Variants in SCTR observed in about 807,000 individuals in gnomAD.
SCTR encodes the protein pancreatic secretin receptor.
SCTR carries 56 observed loss-of-function variants against 60.8 expected under a neutral mutation model. That is an observed-to-expected ratio of 0.92 (90% CI 0.74 to 1.15). The LOEUF is 1.15. Among genes scored for constraint, SCTR ranks in the 50% most tolerant of loss-of-function variants. The pLI is 0.00. For missense variants in SCTR, 562 were observed against 550.4 expected (o/e 1.02, Z -0.21); for synonymous variants, 202 against 217.0 (o/e 0.93, Z 0.61).
chr2:119,473,651 T>A, intron 3 of SCTR, 95 bp from the exon 4 acceptor site: 1 of 800,730 alleles, frequency 1.2e-6, no homozygotes, highest in South Asian at 1.5e-5. Context: ...CTACAACCAC[T>A]CTATAGTGTG....
chr2:119,515,596 T>C (rs553426208), intron 1 of SCTR, among the ~76,000 whole-genome samples: 1 of 152,218 alleles, frequency 6.6e-6, no homozygotes, highest in Non-Finnish European at 1.5e-5. Context: ...CTCTCTTTCC[T>C]GGAACTGGGA....
At chr2:119,481,225 C>T (rs901374712) in intron 2 of SCTR, among the ~76,000 whole-genome samples, 4 of 152,220 alleles carry the variant, frequency 2.6e-5, no homozygotes, top group African/African-American at 9.6e-5. Context: ...ATGGCAAATG[C>T]TCAGCTTTTT....
At chr2:119,499,436 G>C (rs1012616249) in intron 1 of SCTR, among the ~76,000 whole-genome samples, 4 of 151,930 alleles carry the variant, frequency 2.6e-5, no homozygotes, top group Non-Finnish European at 5.9e-5. Flanking sequence ...AGTGCTCATG[G>C]AACATTTATC....
chr2:119,523,114 A>G (rs1276516550), intron 1 of SCTR, among the ~76,000 whole-genome samples: 1 of 152,130 alleles, frequency 6.6e-6, no homozygotes, highest in Non-Finnish European at 1.5e-5. Context: ...ACACCATGAG[A>G]CTTGCCCAGG....
intron 7 of SCTR, 28 bp from the exon 8 acceptor site, chr2:119,453,375 A>C (rs1683248677): frequency 1.3e-6 from 2 of 1,580,048 alleles, no homozygotes; most frequent in Non-Finnish European, 1.7e-6. Flanking sequence ...AGGGAGGGGC[A>C]GAAGAGAGAG....
At chr2:119,507,786 C>T (rs1183742287) in intron 1 of SCTR, among the ~76,000 whole-genome samples, 1 of 149,740 alleles carries the variant, frequency 6.7e-6, no homozygotes, top group Non-Finnish European at 1.5e-5. Flanking sequence ...TCAAGCGACT[C>T]TCCTGCCTCT....
rs772876564 is a variant in SCTR, at chr2:119,524,206, C to T, written c.21G>A (p.Pro7=). MRPHLS[P]PLQQLLLPVL... ...CCGGCAGTAGTAGCTGCTGCAGCGG[C>T]GGCGACAGGTGGGGACGCATGGTGC... Residue 7 remains proline (P), a synonymous_variant, in exon 1 of 13, where the codon CCG becomes CCA. Coordinates refer to ENST00000019103, the MANE Select transcript of SCTR (RefSeq NM_002980.3). 5 of 1,517,272 alleles carry T rather than the reference C, an allele frequency of 3.3e-6. No homozygotes were observed. The South Asian group carries it at 3.7e-5, about 11-fold the overall frequency. The allele number at this position is 1,517,272 out of a possible 1,614,324, so 94.0% of individuals were successfully genotyped here.
At position 119,451,992 on chromosome 2, in the gene SCTR, GA is replaced by G; in HGVS notation, c.921+17del. 3 of 1,528,944 alleles carry G rather than the reference GA, an allele frequency of 2.0e-6. No homozygotes were observed. The highest frequency in any genetic ancestry group is 2.7e-6 in the Non-Finnish European group (3 of 1,105,576). 94.7% of individuals were successfully genotyped at this position (1,528,944 alleles called of 1,614,324 possible). ...TCTCTCCCACTGATCCCCAGCTAGG[GA>G]GAGGAGGGCCACTCACCAGGATGGA... On this transcript the variant is annotated intron_variant, in intron 9 of 12. Transcript: ENST00000019103.
chr2:119,487,004 G>C (rs6710114), intron 2 of SCTR: 1 of 152,124 alleles, frequency 6.6e-6, no homozygotes, highest in Non-Finnish European at 1.5e-5. Flanking sequence ...ATACTACACC[G>C]TGGATGAACC....
At chr2:119,471,516 T>C (rs1435884094) in intron 4 of SCTR, among the ~76,000 whole-genome samples, 1 of 152,180 alleles carries the variant, frequency 6.6e-6, no homozygotes, top group East Asian at 1.9e-4. Context: ...GGAGCTTGCC[T>C]TCCTCCACAT....
intron 9 of SCTR, among the ~76,000 whole-genome samples, chr2:119,450,796 C>T (rs550516190): frequency 6.6e-6 from 1 of 152,110 alleles, no homozygotes; most frequent in East Asian, 1.9e-4. Context: ...ACAGTGAAAG[C>T]TCATCTCTAC....
At chr2:119,494,603 A>G (rs534060962) in intron 1 of SCTR, 55 bp from the exon 2 acceptor site, 4 of 1,581,390 alleles carry the variant, frequency 2.5e-6, no homozygotes, top group African/African-American at 1.3e-5. Context: ...ATTTTGCCAC[A>G]TGGGGGAGAA....
chr2:119,446,943 T>G (rs1295077715), intron 10 of SCTR, 58 bp from the exon 11 acceptor site: 1 of 1,371,006 alleles, frequency 7.3e-7, no homozygotes, highest in Non-Finnish European at 9.5e-7. Context: ...TTTCTCCTCC[T>G]GTAGGCACAC....
intron 4 of SCTR, among the ~76,000 whole-genome samples, chr2:119,471,647 C>T (rs1190906972): frequency 1.1e-4 from 16 of 152,210 alleles, no homozygotes; most frequent in Admixed American, 2.0e-4. Flanking sequence ...GTGCTTTCTC[C>T]CATGACCTCA....
chr2:119,452,483 G>C (rs1409352173), intron 8 of SCTR, among the ~76,000 whole-genome samples: 5 of 152,100 alleles, frequency 3.3e-5, no homozygotes, highest in Non-Finnish European at 5.9e-5. Flanking sequence ...GAGCAAACTG[G>C]GGAGCATGTG....
At chr2:119,458,845 C>G (rs116113614) in intron 7 of SCTR, among the ~76,000 whole-genome samples, 45 of 152,216 alleles carry the variant, frequency 3.0e-4, no homozygotes, top group African/African-American at 1.0e-3. Flanking sequence ...AGTCTCTGGG[C>G]GGGGAGTGCA....
At chr2:119,467,822 C>T (rs1237136633) in intron 4 of SCTR, among the ~76,000 whole-genome samples, 4 of 152,130 alleles carry the variant, frequency 2.6e-5, no homozygotes, top group African/African-American at 9.7e-5. Context: ...TCAGGACATG[C>T]TGATATATTA....
intron 7 of SCTR, among the ~76,000 whole-genome samples, chr2:119,459,402 T>C (rs1284425708): frequency 7.0e-6 from 1 of 142,768 alleles, no homozygotes; most frequent in African/African-American, 2.8e-5. Context: ...GGGACTAGGG[T>C]AATTTTTTTT....
intron 11 of SCTR, among the ~76,000 whole-genome samples, chr2:119,445,302 A>C (rs1237604435): frequency 6.6e-6 from 1 of 152,200 alleles, no homozygotes; most frequent in Non-Finnish European, 1.5e-5. Context: ...GGACGTTACA[A>C]GAGCAGTGGT....
Sources: gnomAD v4.1 joint callset for allele counts (sites outside exome capture counted in the v4.1 genomes callset) on GRCh38, gnomAD v4.1.1 for gene constraint, MANE v1.5 for transcripts, NCBI Gene and HGNC (gene_info 2026-07-23, HGNC 2026-07-21) for gene names.